Variants in SEC14L1 observed in about 807,000 individuals in gnomAD.
The protein encoded by SEC14L1 is SEC14-like protein 1.
SEC14L1 carries 48 observed loss-of-function variants against 85.3 expected under a neutral mutation model. The ratio of observed to expected loss-of-function variants is 0.56; its 90% CI spans 0.45 to 0.72. The LOEUF (loss-of-function observed/expected upper bound fraction) is 0.72. SEC14L1 is among the 30% of genes least tolerant of loss of function. SEC14L1 has a pLI of 0.00. For missense variants in SEC14L1, 682 were observed against 921.4 expected (o/e 0.74, Z 3.36); for synonymous variants, 391 against 355.5 (o/e 1.10, Z -1.12).
intron 3 of SEC14L1, among the ~76,000 whole-genome samples, chr17:77,172,030 C>CCA (rs1254531564): frequency 6.6e-6 from 1 of 151,958 alleles, no homozygotes; most frequent in Non-Finnish European, 1.5e-5. Flanking sequence ...ATTTACTGAG[C>CCA]GGTCCTTATA....
chr17:77,204,009 C>T (rs111355421), intron 10 of SEC14L1, among the ~76,000 whole-genome samples: 2 of 152,238 alleles, frequency 1.3e-5, no homozygotes, highest in African/African-American at 2.4e-5. Flanking sequence ...TTAACGCGAG[C>T]TCTTGGCGTC....
chr17:77,211,832 C>T (rs1056832354), intron 14 of SEC14L1, 118 bp from the exon 15 acceptor site: 44 of 1,303,126 alleles, frequency 3.4e-5, no homozygotes, highest in Non-Finnish European at 4.5e-5. Flanking sequence ...ACGCATTCAG[C>T]GTTTCCCTCC....
At chr17:77,096,938 A>G (rs1971662359) in intron 3 of SEC14L1, among the ~76,000 whole-genome samples, 1 of 152,194 alleles carries the variant, frequency 6.6e-6, no homozygotes, top group South Asian at 2.1e-4. Flanking sequence ...CGGTTGTCCC[A>G]GTGGAATCAG....
chr17:77,150,470 G>T (rs1973505964), intron 3 of SEC14L1, among the ~76,000 whole-genome samples: 1 of 152,168 alleles, frequency 6.6e-6, no homozygotes, highest in African/African-American at 2.4e-5. Flanking sequence ...GACTATGAAT[G>T]TGCATCTCTG....
rs577353965 is a variant in SEC14L1, at chr17:77,149,466, G to A, written c.63+5807G>A. ...CTTGAGAACTTGGGAGGGTGAGTTG[G>A]GAGGATTTCTTGAGGTTCCAGGAGT... On this transcript the variant is annotated intron_variant, in intron 3 of 16. Transcript: ENST00000436233. Among the ~76,000 whole-genome samples the A allele has an allele frequency of 3.1e-4, 47 of 152,246 alleles. No individual in the cohort carries two copies. In the South Asian group the frequency reaches 9.8e-3, roughly 32 times the overall value.
chr17:77,154,651 T>G (rs1179976682), intron 3 of SEC14L1, among the ~76,000 whole-genome samples: 1 of 150,772 alleles, frequency 6.6e-6, no homozygotes, highest in Non-Finnish European at 1.5e-5. Context: ...TTTTTTGGTT[T>G]TTTTTTAAGA....
chr17:77,120,020 G>A (rs1972258624), intron 3 of SEC14L1, among the ~76,000 whole-genome samples: 1 of 152,088 alleles, frequency 6.6e-6, no homozygotes, highest in South Asian at 2.1e-4. Flanking sequence ...CAGCTCATTT[G>A]TTATACTGCC....
At chr17:77,199,005 CTT>C (rs570875410) in intron 8 of SEC14L1, 29 of 133,910 alleles carry the variant, frequency 2.2e-4, no homozygotes, top group South Asian at 4.7e-4. Context: ...CGTCTTCTTT[CTT>C]TTTTTTTTTT....
chr17:77,183,423 A>G (rs1229632837), intron 3 of SEC14L1, among the ~76,000 whole-genome samples: 3 of 152,210 alleles, frequency 2.0e-5, no homozygotes, highest in Non-Finnish European at 4.4e-5. Context: ...CTTTACCCCT[A>G]CATACTAAAA....
chr17:77,112,564 C>G (rs1423340679), intron 3 of SEC14L1, among the ~76,000 whole-genome samples: 1 of 152,110 alleles, frequency 6.6e-6, no homozygotes, highest in African/African-American at 2.4e-5. Context: ...TGTTCCTGAA[C>G]AGTTAACAGT....
At chr17:77,111,961 C>A (rs1022306096) in intron 3 of SEC14L1, among the ~76,000 whole-genome samples, 4 of 152,116 alleles carry the variant, frequency 2.6e-5, no homozygotes, top group African/African-American at 7.2e-5. Flanking sequence ...TTGTCCGTGT[C>A]CCCCACCCAA....
intron 3 of SEC14L1, among the ~76,000 whole-genome samples, chr17:77,123,580 T>G (rs1972360408): frequency 6.6e-6 from 1 of 151,800 alleles, no homozygotes; most frequent in African/African-American, 2.4e-5. Flanking sequence ...TCTGGCTATT[T>G]TCTTTGTTTT....
chr17:77,179,446 A>G (rs1416104686), intron 3 of SEC14L1, among the ~76,000 whole-genome samples: 1 of 152,204 alleles, frequency 6.6e-6, no homozygotes, highest in Non-Finnish European at 1.5e-5. Context: ...AGAAGGCCCT[A>G]GAAAAGAAAC....
At chr17:77,190,183 A>G (rs908903077) in intron 3 of SEC14L1, among the ~76,000 whole-genome samples, 1 of 152,166 alleles carries the variant, frequency 6.6e-6, no homozygotes, top group Non-Finnish European at 1.5e-5. Flanking sequence ...GTTTCAGCCT[A>G]TGGATGTGTA....
intron 3 of SEC14L1, among the ~76,000 whole-genome samples, chr17:77,106,845 T>G (rs781438629): frequency 7.2e-5 from 11 of 151,892 alleles, no homozygotes; most frequent in Non-Finnish European, 1.6e-4. Context: ...TCAAAAAAAA[T>G]AAAAAAGAAA....
chr17:77,211,781 T>C, intron 14 of SEC14L1, 169 bp from the exon 15 acceptor site: 1 of 824,134 alleles, frequency 1.2e-6, no homozygotes. Context: ...AGCGGTTGAA[T>C]GGATGGTGGT....
At chr17:77,124,161 C>T (rs1437175056) in intron 3 of SEC14L1, among the ~76,000 whole-genome samples, 1 of 152,178 alleles carries the variant, frequency 6.6e-6, no homozygotes, top group Non-Finnish European at 1.5e-5. Flanking sequence ...CCCAGGAGTT[C>T]GAGACCAGCC....
rs1189933759 is a variant in SEC14L1, at chr17:77,216,058, A to C, written c.*2035A>C. On this transcript the variant is annotated 3_prime_UTR_variant, in exon 17 of 17. Coordinates refer to ENST00000436233, the MANE Select transcript of SEC14L1 (RefSeq NM_001143998.2). ...GTAGGTAGGGTTAGTAGGTAGGGCT[A>C]GTAGGTAGGGCTAGTAGGTAGGGTT... is the stretch of plus-strand genomic sequence containing the variant. 2.8e-5 allele frequency: 28 copies of C among 983,044 alleles called. No homozygotes were observed. In the African/African-American group the frequency reaches 4.1e-4, roughly 14 times the overall value. 60.9% of individuals were successfully genotyped at this position (983,044 alleles called of 1,614,324 possible). A position where few individuals can be genotyped will look rare whatever the true frequency, so the allele number is the denominator to read the frequency against.
Position 77,206,390 on chromosome 17 carries a change from T to TC in SEC14L1, c.1332dup (p.Trp445LeufsTer5). ...CGGGCGCCCAGGGTATTTCCTGTGC[T>TC]CTGGACGCTGGTGGGTTGAGATGCT... On this transcript the variant is annotated frameshift_variant, in exon 12 of 17. Coordinates refer to ENST00000436233, the MANE Select transcript of SEC14L1 (RefSeq NM_001143998.2). LOFTEE classifies it high-confidence loss of function. This position sits in a 1 kb window ranked among gnomAD's most constrained non-coding sequence, Gnocchi z 4.3. The TC allele has an allele frequency of 6.2e-7, 1 of 1,613,730 alleles. No individual in the cohort carries two copies. The highest frequency in any genetic ancestry group is 8.5e-7 in the Non-Finnish European group (1 of 1,179,722).
Sources: allele counts gnomAD v4.1 joint callset (sites outside exome capture counted in the v4.1 genomes callset), GRCh38; gene constraint gnomAD v4.1.1; non-coding constraint Gnocchi (gnomAD v3.1); transcripts MANE v1.5; gene names NCBI Gene and HGNC (gene_info 2026-07-23, HGNC 2026-07-21).